The following FBLN1 variants were observed in gnomAD, a reference collection of about 807,000 sequenced individuals.
FBLN1 encodes the protein fibulin 1, also known as fibulin-1.
FBLN1 carries 34 observed loss-of-function variants against 89.7 expected under a neutral mutation model. The ratio of observed to expected loss-of-function variants is 0.38; its 90% CI spans 0.29 to 0.50. The LOEUF is 0.50. FBLN1 is among the 20% of genes least tolerant of loss of function. FBLN1 has a pLI of 0.92. For synonymous variants in FBLN1, 393 were observed against 391.3 expected, an observed-to-expected ratio of 1.00 and a Z score of -0.05; for missense variants, 777 against 988.1, an observed-to-expected ratio of 0.79 and a Z score of 2.86.
In FBLN1 at chr22:45,545,240, C is replaced by T. The variant is rs1569248814; in HGVS notation, c.1321+1714C>T. On this transcript the variant is annotated intron_variant, in intron 11 of 16. Coordinates refer to ENST00000327858, the MANE Select transcript of FBLN1 (RefSeq NM_006486.3). This position sits in a 1 kb window ranked among gnomAD's most constrained non-coding sequence, Gnocchi z 5.9. ...CTCTCAGGCTTGTGTTCAAACCTGA[C>T]TTCTGCCATTTCCATGGCCTTGAAG... 6.6e-6 allele frequency among the ~76,000 whole-genome samples: 1 copy of T among 152,186 alleles called. No homozygotes were observed. Among genetic ancestry groups the T allele is most frequent in the East Asian group, 1.9e-4 (1 of 5,192 alleles).
chr22:45,505,484 C>T (rs114245809), intron 1 of FBLN1, among the ~76,000 whole-genome samples: 2,187 of 152,330 alleles, frequency 0.014, 60 homozygotes, highest in African/African-American at 0.05. Context: ...GCTCACGCCC[C>T]GCTCCTGGCC....
chr22:45,535,284 C>T lies in FBLN1; in HGVS notation c.869C>T (p.Pro290Leu), dbSNP rs890297116. The T allele has an allele frequency of 3.7e-6, 6 of 1,614,044 alleles. No homozygotes were observed. The African/African-American group carries it at 6.7e-5, about 18-fold the overall frequency. Residue 290 changes from proline to leucine, a missense_variant, in exon 8 of 17, where the codon CCC becomes CTC. Pro to Leu is a moderately conservative substitution (Grantham distance 98). Coordinates refer to ENST00000327858, the MANE Select transcript of FBLN1 (RefSeq NM_006486.3). Reference sequence around the variant, plus strand: ...ACTCTGGGATCCTTCCGCTGCCGACCCAAGCTACAGTGCAAGAGTGGCTTT... The same window carrying T: ...ACTCTGGGATCCTTCCGCTGCCGACTCAAGCTACAGTGCAAGAGTGGCTTT... ...QNTLGSFRCR[P>L]KLQCKSGFIQ...
chr22:45,587,094 C>T lies in FBLN1; in HGVS notation c.1972+9986C>T, dbSNP rs552829002. On this transcript the variant is annotated intron_variant, in intron 16 of 16. Transcript: ENST00000327858. ...CAATGGGATGTGAGGTTCACGAGCA[C>T]GTCACGGAGCCTCTCCCCTCGTCAT... Among the ~76,000 whole-genome samples the T allele has an allele frequency of 7.2e-5, 11 of 152,258 alleles. No individual in the cohort carries two copies. The South Asian group carries it at 2.1e-3, about 29-fold the overall frequency.
intron 16 of FBLN1, among the ~76,000 whole-genome samples, chr22:45,596,908 A>C (rs1251532751): frequency 2.7e-5 from 4 of 148,646 alleles, no homozygotes; most frequent in African/African-American, 9.8e-5. Flanking sequence ...GACATACTTT[A>C]TAACATATAT....
chr22:45,533,796 C>G lies in FBLN1; in HGVS notation c.682C>G (p.Arg228Gly). 6.2e-7 allele frequency: 1 copy of G among 1,613,470 alleles called. No homozygotes were observed. Among genetic ancestry groups the G allele is most frequent in the Admixed American group, 1.7e-5 (1 of 60,026 alleles). Reference sequence around the variant, plus strand: ...ATGCATCACGGGCAGCCACAGCTGCCGGCTTGGAGAATCCTGCATCAACAC... The same window carrying G: ...ATGCATCACGGGCAGCCACAGCTGCGGGCTTGGAGAATCCTGCATCAACAC... ...NECITGSHSCRLGESCINTVG... is the reference protein window; with the variant it reads ...NECITGSHSCGLGESCINTVG... The change falls in exon 7 of 17, where the codon CGG (arginine) becomes GGG (glycine). Residue 228 changes from arginine to glycine, a missense_variant. Transcript: ENST00000327858.
intron 16 of FBLN1, among the ~76,000 whole-genome samples, chr22:45,598,383 A>G (rs1458045929): frequency 6.6e-6 from 1 of 152,144 alleles, no homozygotes; most frequent in African/African-American, 2.4e-5. Context: ...CACCCTCAAC[A>G]CCACCTTAGA....
intron 14 of FBLN1, among the ~76,000 whole-genome samples, chr22:45,568,477 G>A (rs1306355243): frequency 4.0e-5 from 5 of 125,220 alleles, no homozygotes; most frequent in Non-Finnish European, 8.8e-5. Flanking sequence ...TGCTCCTTCT[G>A]TAGGGGAATG....
chr22:45,505,561 G>A (rs1471794859), intron 1 of FBLN1, among the ~76,000 whole-genome samples: 1 of 152,190 alleles, frequency 6.6e-6, no homozygotes, highest in Non-Finnish European at 1.5e-5. Context: ...GCAGGAGTAG[G>A]GGCACGCGGC....
intron 16 of FBLN1, among the ~76,000 whole-genome samples, chr22:45,599,154 C>G (rs150757126): frequency 2.0e-4 from 31 of 152,322 alleles, no homozygotes; most frequent in African/African-American, 6.7e-4. Context: ...CGTGGCTGAG[C>G]TTTGTCTGTG....
At position 45,548,474 on chromosome 22, in the gene FBLN1, T is replaced by G. The variant is rs1280860956; in HGVS notation, c.1442-139T>G. The G allele has an allele frequency of 7.7e-6, 9 of 1,165,844 alleles. No individual in the cohort carries two copies. The East Asian group carries it at 2.0e-4, about 26-fold the overall frequency. The allele number at this position is 1,165,844 out of a possible 1,614,324, so 72.2% of individuals were successfully genotyped here. A position where few individuals can be genotyped will look rare whatever the true frequency, so the allele number is the denominator to read the frequency against. The stretch of plus-strand genomic sequence containing the variant: ...CATCGCCTCTCTGAGCACGATGGTC[T>G]CTGAGGCTTCCTGTGTTCAGCTTGT... On this transcript the variant is annotated intron_variant, in intron 12 of 16. Coordinates refer to ENST00000327858, the MANE Select transcript of FBLN1 (RefSeq NM_006486.3).
In FBLN1 at chr22:45,563,114, A is replaced by C. The variant is rs1257130907; in HGVS notation, c.1698-11397A>C. The C allele has an allele frequency of 6.2e-7, 1 of 1,613,222 alleles. No homozygotes were observed. The highest frequency in any genetic ancestry group is 8.5e-7 in the Non-Finnish European group (1 of 1,179,984). ...TGAGGAGGGCTTTTTCACCACCCGGAAGGTGAGCCCCCACAGTGGGGTGGT... is the reference window on the plus strand; with the variant it reads ...TGAGGAGGGCTTTTTCACCACCCGGCAGGTGAGCCCCCACAGTGGGGTGGT... On this transcript the variant is annotated intron_variant, in intron 14 of 16. Coordinates refer to ENST00000327858, the MANE Select transcript of FBLN1 (RefSeq NM_006486.3). This position sits in a 1 kb window ranked among gnomAD's most constrained non-coding sequence, Gnocchi z 5.7.
rs945610463 is a variant in FBLN1 at position 45,530,433 on chromosome 22, G to T, written c.485-832G>T. 4.6e-5 allele frequency among the ~76,000 whole-genome samples: 7 copies of T among 151,942 alleles called. No individual in the cohort carries two copies. Among genetic ancestry groups the T allele is most frequent in the Middle Eastern group, 3.2e-3 (1 of 316 alleles). The stretch of plus-strand genomic sequence containing the variant: ...GGGAGGGCTTCCTGTCTTCACAGCC[G>T]CACCTTCCTCCCACTGCTACCAGTG... On this transcript the variant is annotated intron_variant, in intron 4 of 16. Coordinates refer to ENST00000327858, the MANE Select transcript of FBLN1 (RefSeq NM_006486.3). The surrounding 1 kb of genome is among the most constrained non-coding windows in gnomAD (Gnocchi z 5.4).
Position 45,597,469 on chromosome 22 carries a change from C to T in FBLN1, c.1973-2838C>T, listed in dbSNP as rs2089196804. On this transcript the variant is annotated intron_variant, in intron 16 of 16. Transcript: ENST00000327858. This position sits in a 1 kb window ranked among gnomAD's most constrained non-coding sequence, Gnocchi z 4.2. ...CCTAGTACCAGTAAAGTTGGCAGGTCACTGTGGCTAGCGGGGGCACCATTG... is the reference window on the plus strand; with the variant it reads ...CCTAGTACCAGTAAAGTTGGCAGGTTACTGTGGCTAGCGGGGGCACCATTG... Among the ~76,000 whole-genome samples the T allele has an allele frequency of 6.6e-6, 1 of 152,124 alleles. No individual in the cohort carries two copies. Among genetic ancestry groups the T allele is most frequent in the East Asian group, 1.9e-4 (1 of 5,194 alleles).
chr22:45,533,303 T>C (rs2088434335), intron 6 of FBLN1, 139 bp downstream of exon 6: 2 of 796,218 alleles, frequency 2.5e-6, no homozygotes, highest in Non-Finnish European at 2.1e-6. Flanking sequence ...ACGCGCTTTC[T>C]CGTGTTCGCT....
intron 14 of FBLN1, among the ~76,000 whole-genome samples, chr22:45,559,896 TC>T (rs2088831105): frequency 6.6e-6 from 1 of 152,232 alleles, no homozygotes; most frequent in Admixed American, 6.5e-5. Flanking sequence ...AGGACCCGCC[TC>T]CCCTTCATTC....
At chr22:45,555,250 TATATATATATATATAAAATGGA>T (rs1158021435) in intron 14 of FBLN1, among the ~76,000 whole-genome samples, 4,384 of 46,164 alleles carry the variant, frequency 0.095, 189 homozygotes, top group Middle Eastern at 0.21. Flanking sequence ...GGAATATACA[TATATATATATATATAAAATGGA>T]ATATATATAT....
At chr22:45,596,435 A>G (rs1055296367) in intron 16 of FBLN1, among the ~76,000 whole-genome samples, 2 of 152,202 alleles carry the variant, frequency 1.3e-5, no homozygotes, top group Non-Finnish European at 2.9e-5. Context: ...AGTGCCAGGC[A>G]CACGTAGCAT....
intron 1 of FBLN1, among the ~76,000 whole-genome samples, chr22:45,513,006 T>G (rs1359600326): frequency 1.3e-5 from 2 of 152,248 alleles, no homozygotes; most frequent in Non-Finnish European, 2.9e-5. Context: ...ACTGAACATT[T>G]TAAGTCTCAT....
chr22:45,510,785 A>G (rs970524239), intron 1 of FBLN1, among the ~76,000 whole-genome samples: 19 of 97,810 alleles, frequency 1.9e-4, no homozygotes, highest in Admixed American at 1.3e-3. Flanking sequence ...GCCTTGGAAC[A>G]TGGGGCATGC....
Sources: gnomAD v4.1 joint callset for allele counts (sites outside exome capture counted in the v4.1 genomes callset) on GRCh38, gnomAD v4.1.1 for gene constraint, Gnocchi (gnomAD v3.1) non-coding constraint, MANE v1.5 for transcripts, NCBI Gene and HGNC (gene_info 2026-07-23, HGNC 2026-07-21) for gene names.